Variants in SPATA13 observed in about 807,000 individuals in gnomAD.
The protein encoded by SPATA13 is spermatogenesis associated 13, also known as spermatogenesis-associated protein 13.
A neutral mutation model predicts 104.0 loss-of-function variants in SPATA13; 50 were observed. That is an observed-to-expected ratio of 0.48 (90% CI 0.38 to 0.61). The LOEUF is 0.61. SPATA13 is among the 20% of genes least tolerant of loss of function. SPATA13 has a pLI of 0.00. For missense variants in SPATA13, 1,524 were observed against 1,690.6 expected (o/e 0.90, Z 1.73); for synonymous variants, 606 against 667.5 (o/e 0.91, Z 1.42).
intron 2 of SPATA13, among the ~76,000 whole-genome samples, chr13:23,984,335 A>G (rs1020348712): frequency 1.3e-5 from 2 of 152,176 alleles, no homozygotes; most frequent in African/African-American, 4.8e-5. Context: ...TGTCTCCTTA[A>G]CTTCCTTCAT....
intron 1 of SPATA13, among the ~76,000 whole-genome samples, chr13:24,212,977 C>T (rs567280250): frequency 3.3e-5 from 5 of 152,214 alleles, no homozygotes; most frequent in African/African-American, 9.6e-5. Flanking sequence ...GACCTTGGAG[C>T]GGGTCTGACC....
At chr13:24,177,327 T>C (rs1868494787) in intron 1 of SPATA13, among the ~76,000 whole-genome samples, 1 of 152,198 alleles carries the variant, frequency 6.6e-6, no homozygotes, top group African/African-American at 2.4e-5. Flanking sequence ...AAATTATAAA[T>C]TTATTTCTTA....
chr13:24,099,241 C>T (rs751829227), intron 3 of SPATA13, among the ~76,000 whole-genome samples: 1 of 152,158 alleles, frequency 6.6e-6, no homozygotes. Context: ...ACTGGTACAA[C>T]AAATGAGGAT....
chr13:24,204,226 C>T (rs76797322), intron 1 of SPATA13, among the ~76,000 whole-genome samples: 1,650 of 152,214 alleles, frequency 0.011, 29 homozygotes, highest in African/African-American at 0.038. Context: ...TTCTCACTGC[C>T]GTCCTCCAGA....
intron 3 of SPATA13, chr13:24,017,828 T>G: frequency 2.5e-6 from 1 of 406,002 alleles, no homozygotes. Flanking sequence ...CTCTGTAACA[T>G]ACTGTTAAAA....
intron 1 of SPATA13, among the ~76,000 whole-genome samples, chr13:24,174,329 T>G (rs1243502719): frequency 6.6e-6 from 1 of 152,118 alleles, no homozygotes; most frequent in Non-Finnish European, 1.5e-5. Flanking sequence ...TTAATTTCTT[T>G]TATATCTGCT....
chr13:24,153,074 G>C (rs1056732699), intron 3 of SPATA13, among the ~76,000 whole-genome samples: 1 of 152,202 alleles, frequency 6.6e-6, no homozygotes, highest in Non-Finnish European at 1.5e-5. Flanking sequence ...TGTCTACTTA[G>C]GACCTCTGAG....
rs185586769 is a variant in SPATA13 at position 24,074,501 on chromosome 13, A to G, written c.-112+56800A>G. Among the ~76,000 whole-genome samples, 104 of 152,280 alleles carry G rather than the reference A, an allele frequency of 6.8e-4. 2 individuals are homozygous for G. The East Asian group carries it at 0.014, about 20-fold the overall frequency. ...ATGCTTAGCACATTTAATTGTACTC[A>G]TGATGACTGTCCCTTATGCAGCACT... is the stretch of plus-strand genomic sequence containing the variant. On this transcript the variant is annotated intron_variant, in intron 3 of 14. Transcript: ENST00000424834.
chr13:24,159,109 A>AC (rs1882354928), upstream of SPATA13, among the ~76,000 whole-genome samples: 1 of 102,010 alleles, frequency 9.8e-6, no homozygotes, highest in Admixed American at 9.1e-5. Context: ...ATAATAAAAA[A>AC]ACCCTCAATT....
chr13:24,101,849 G>T (rs1008444037), intron 3 of SPATA13, among the ~76,000 whole-genome samples: 4 of 152,182 alleles, frequency 2.6e-5, no homozygotes, highest in African/African-American at 9.7e-5. Context: ...TCTGTTGTGT[G>T]TGTTTACCAC....
chr13:23,986,888 CGTT>C (rs1566062840), intron 2 of SPATA13, among the ~76,000 whole-genome samples: 3 of 152,212 alleles, frequency 2.0e-5, no homozygotes, highest in African/African-American at 7.2e-5. Context: ...CATGGGATCT[CGTT>C]GTGCAAGGAG....
intron 4 of SPATA13, among the ~76,000 whole-genome samples, chr13:24,255,222 A>T (rs564700063): frequency 3.3e-5 from 5 of 152,302 alleles, no homozygotes; most frequent in African/African-American, 9.6e-5. Flanking sequence ...GGCTGATGGT[A>T]GGAGTTCTCT....
In SPATA13 at chr13:24,047,421, C is replaced by T. The variant is rs566629031; in HGVS notation, c.-112+29720C>T. ...ATCTTGTGGCCCTGCATTCATTTTA[C>T]AAAGGCAGTTTCGGTCCCTGAGCAA... On this transcript the variant is annotated intron_variant, in intron 3 of 14. Transcript: ENST00000424834. Among the ~76,000 whole-genome samples, 31 of 152,250 alleles carry T rather than the reference C, an allele frequency of 2.0e-4. 1 individual carries two copies. The highest frequency in any genetic ancestry group is 6.5e-4 in the African/African-American group (27 of 41,534).
At chr13:24,001,578 C>A (rs1181366535) in intron 2 of SPATA13, among the ~76,000 whole-genome samples, 1 of 151,834 alleles carries the variant, frequency 6.6e-6, no homozygotes. Flanking sequence ...CATGAATGCC[C>A]CTGTGTCCTG....
At chr13:24,083,177 C>G (rs1303176922) in intron 3 of SPATA13, among the ~76,000 whole-genome samples, 1 of 152,228 alleles carries the variant, frequency 6.6e-6, no homozygotes, top group African/African-American at 2.4e-5. Context: ...CAACCAGTAA[C>G]TTGGGAGCCG....
At chr13:24,244,740 G>A (rs1025779984) in intron 2 of SPATA13, among the ~76,000 whole-genome samples, 1 of 152,194 alleles carries the variant, frequency 6.6e-6, no homozygotes, top group Non-Finnish European at 1.5e-5. Flanking sequence ...GTATGCACCT[G>A]TAGTCCCAGC....
intron 1 of SPATA13, among the ~76,000 whole-genome samples, chr13:24,215,784 A>G (rs1033567245): frequency 4.6e-5 from 7 of 152,120 alleles, no homozygotes; most frequent in African/African-American, 1.7e-4. Context: ...TGCCTCTGCC[A>G]AGCAGAGACA....
chr13:24,113,137 T>C (rs1347838136), intron 3 of SPATA13, among the ~76,000 whole-genome samples: 5 of 152,234 alleles, frequency 3.3e-5, no homozygotes, highest in Non-Finnish European at 7.3e-5. Flanking sequence ...AACCGGACAA[T>C]GTCCACTTTA....
At chr13:24,278,884 C>CCTTT (rs1875225104) in intron 4 of SPATA13, 1 of 773,500 alleles carries the variant, frequency 1.3e-6, no homozygotes, top group Non-Finnish European at 1.8e-6. Context: ...TTCCTTCCTT[C>CCTTT]CTTCCTTCCT....
Sources: allele counts gnomAD v4.1 joint callset (sites outside exome capture counted in the v4.1 genomes callset), GRCh38; gene constraint gnomAD v4.1.1; transcripts MANE v1.5; gene names NCBI Gene and HGNC (gene_info 2026-07-23, HGNC 2026-07-21).